Variants in MGAT4C observed in about 807,000 individuals in gnomAD.
The protein encoded by MGAT4C is MGAT4 family member C, also known as alpha-1,3-mannosyl-glycoprotein 4-beta-N-acetylglucosaminyltransferase C.
A neutral mutation model predicts 40.1 loss-of-function variants in MGAT4C; 19 were observed. The ratio of observed to expected loss-of-function variants is 0.47; its 90% CI spans 0.33 to 0.70. The LOEUF is 0.70. MGAT4C is among the 30% of genes least tolerant of loss of function. The probability of loss-of-function intolerance (pLI) is 0.02; values close to 1 mark genes in which losing one functional copy is unlikely to be tolerated. For missense variants in MGAT4C, 491 were observed against 563.2 expected (o/e 0.87, Z 1.30); for synonymous variants, 181 against 187.1 (o/e 0.97, Z 0.27).
chr12:86,324,181 G>A (rs1296548961), intron 4 of MGAT4C, among the ~76,000 whole-genome samples: 1 of 151,746 alleles, frequency 6.6e-6, no homozygotes, highest in East Asian at 1.9e-4. Context: ...TTATTCTATG[G>A]TTATGTATTG....
intron 3 of MGAT4C, among the ~76,000 whole-genome samples, chr12:85,985,011 C>T (rs1229850958): frequency 6.6e-6 from 1 of 152,204 alleles, no homozygotes; most frequent in Non-Finnish European, 1.5e-5. Context: ...AACTCCTGAC[C>T]TCAAGTGATC....
At chr12:86,738,610 A>G (rs570150102) in intron 1 of MGAT4C, among the ~76,000 whole-genome samples, 5 of 151,254 alleles carry the variant, frequency 3.3e-5, no homozygotes, top group South Asian at 2.1e-4. Context: ...CATTCATCCA[A>G]CTCATACGAG....
intron 4 of MGAT4C, among the ~76,000 whole-genome samples, chr12:86,308,923 T>C (rs533361330): frequency 1.3e-5 from 2 of 150,816 alleles, no homozygotes; most frequent in East Asian, 3.9e-4. Context: ...CAGTGAAAGT[T>C]TGAACTGATT....
At chr12:86,228,230 G>A (rs1248138699) in intron 1 of MGAT4C, among the ~76,000 whole-genome samples, 1 of 151,732 alleles carries the variant, frequency 6.6e-6, no homozygotes, top group Non-Finnish European at 1.5e-5. Context: ...AAATAAAAGA[G>A]AGAGAGAGTA....
intron 2 of MGAT4C, among the ~76,000 whole-genome samples, chr12:86,588,849 A>G (rs1314887230): frequency 1.3e-5 from 2 of 151,942 alleles, no homozygotes; most frequent in African/African-American, 4.8e-5. Flanking sequence ...GTTCTTTGAA[A>G]CCAACGAGAA....
intron 1 of MGAT4C, among the ~76,000 whole-genome samples, chr12:86,055,884 A>G (rs1893339698): frequency 6.6e-6 from 1 of 151,916 alleles, no homozygotes; most frequent in Non-Finnish European, 1.5e-5. Context: ...TTCCCCTGTT[A>G]TCCAGTTCAT....
At chr12:86,481,110 A>G (rs1592899337) in intron 2 of MGAT4C, among the ~76,000 whole-genome samples, 1 of 152,198 alleles carries the variant, frequency 6.6e-6, no homozygotes, top group South Asian at 2.1e-4. Context: ...AAATGTCTTA[A>G]TAAAAGTTAA....
intron 1 of MGAT4C, among the ~76,000 whole-genome samples, chr12:86,785,852 T>A (rs186666409): frequency 7.9e-5 from 12 of 151,946 alleles, no homozygotes; most frequent in African/African-American, 2.6e-4. Context: ...TACCCAAAAT[T>A]TTCCCATTTT....
At position 86,087,371 on chromosome 12, in the gene MGAT4C, A is replaced by G. The variant is rs1011278013; in HGVS notation, c.-56-37648T>C. 1.2e-4 allele frequency among the ~76,000 whole-genome samples: 19 copies of G among 152,136 alleles called. 1 individual carries two copies. The highest frequency in any genetic ancestry group is 9.8e-4 in the Admixed American group (15 of 15,232). On this transcript the variant is annotated intron_variant, in intron 1 of 4. Coordinates refer to ENST00000611864, the MANE Select transcript of MGAT4C (RefSeq NM_001351288.2). Reference sequence around the variant, plus strand: ...TAAAATATTCTTGGATTTCTTTATCATATGTTCAATACATTCTAATGCTTA... The same window carrying G: ...TAAAATATTCTTGGATTTCTTTATCGTATGTTCAATACATTCTAATGCTTA...
intron 2 of MGAT4C, among the ~76,000 whole-genome samples, chr12:86,539,795 A>G (rs1443771573): frequency 6.6e-6 from 1 of 152,118 alleles, no homozygotes; most frequent in Admixed American, 6.5e-5. Flanking sequence ...TTTTTCATGT[A>G]TCTGTTGGCT....
intron 2 of MGAT4C, among the ~76,000 whole-genome samples, chr12:86,568,081 T>C (rs1960208731): frequency 6.6e-6 from 1 of 152,106 alleles, no homozygotes; most frequent in Non-Finnish European, 1.5e-5. Context: ...TGATGATGAA[T>C]ACTAGTTGTC....
chr12:85,989,359 G>A (rs1421078074), intron 3 of MGAT4C, 41 bp downstream of exon 3: 1 of 1,515,628 alleles, frequency 6.6e-7, no homozygotes, highest in Admixed American at 2.0e-5. Flanking sequence ...TTTGACTTAT[G>A]CCTTATTTTG....
chr12:86,245,893 G>A (rs1488464940), intron 1 of MGAT4C, among the ~76,000 whole-genome samples: 1 of 152,138 alleles, frequency 6.6e-6, no homozygotes, highest in Non-Finnish European at 1.5e-5. Flanking sequence ...TCATCATAGA[G>A]CTACCAGAAT....
At chr12:86,810,242 G>C (rs1303987886) in intron 1 of MGAT4C, among the ~76,000 whole-genome samples, 1 of 151,774 alleles carries the variant, frequency 6.6e-6, no homozygotes, top group East Asian at 1.9e-4. Flanking sequence ...AATTTGACTT[G>C]TTGTGATTTC....
At chr12:86,147,135 A>G (rs1364028295) in intron 1 of MGAT4C, among the ~76,000 whole-genome samples, 1 of 152,152 alleles carries the variant, frequency 6.6e-6, no homozygotes, top group East Asian at 1.9e-4. Flanking sequence ...TTTCAACTAG[A>G]AGGGCATGCA....
At chr12:86,330,562 AATT>A (rs1954640279) in intron 4 of MGAT4C, among the ~76,000 whole-genome samples, 2 of 152,150 alleles carry the variant, frequency 1.3e-5, no homozygotes. Flanking sequence ...ATGCTTACTG[AATT>A]CTCTATTTAT....
At chr12:86,758,196 G>T (rs571535341) in intron 1 of MGAT4C, among the ~76,000 whole-genome samples, 1 of 151,898 alleles carries the variant, frequency 6.6e-6, no homozygotes, top group Non-Finnish European at 1.5e-5. Flanking sequence ...CCTTACACTG[G>T]TGTCACAAAA....
intron 2 of MGAT4C, among the ~76,000 whole-genome samples, chr12:86,537,258 T>C (rs1277054781): frequency 6.6e-6 from 1 of 151,882 alleles, no homozygotes; most frequent in East Asian, 1.9e-4. Flanking sequence ...CATTAGGAGA[T>C]ACACCTAACA....
intron 3 of MGAT4C, among the ~76,000 whole-genome samples, chr12:86,351,114 C>T (rs949168773): frequency 6.6e-6 from 1 of 151,782 alleles, no homozygotes; most frequent in African/African-American, 2.4e-5. Context: ...ACTTCAAGTA[C>T]AATACTTTCA....
Sources: allele counts gnomAD v4.1 joint callset (sites outside exome capture counted in the v4.1 genomes callset), GRCh38; gene constraint gnomAD v4.1.1; transcripts MANE v1.5; gene names NCBI Gene and HGNC (gene_info 2026-07-23, HGNC 2026-07-21).